Variants in KLF12 observed in about 807,000 individuals in gnomAD.
The protein encoded by KLF12 is KLF transcription factor 12.
In KLF12, 9 loss-of-function variants were observed where a neutral mutation model predicts 37.8. The ratio of observed to expected loss-of-function variants is 0.24; its 90% CI spans 0.14 to 0.42. The LOEUF is 0.42. KLF12 is among the 10% of genes least tolerant of loss of function. The pLI, the probability that KLF12 is intolerant of heterozygous loss-of-function variation, is 1.00. For missense variants in KLF12, 411 were observed against 516.0 expected, an observed-to-expected ratio of 0.80 and a Z score of 1.97; for synonymous variants, 208 against 202.1, an observed-to-expected ratio of 1.03 and a Z score of -0.25.
At chr13:73,979,333 T>A (rs796174887) in intron 2 of KLF12, among the ~76,000 whole-genome samples, 8 of 146,932 alleles carry the variant, frequency 5.4e-5, no homozygotes, top group African/African-American at 2.0e-4. Flanking sequence ...TAACATTTCT[T>A]TTAAAAACAG....
intron 1 of KLF12, among the ~76,000 whole-genome samples, chr13:74,015,002 TAC>T (rs967288864): frequency 4.6e-5 from 7 of 152,190 alleles, no homozygotes; most frequent in South Asian, 2.1e-4. Context: ...TCATAACTAC[TAC>T]AGTTTATTAC....
intron 2 of KLF12, among the ~76,000 whole-genome samples, chr13:73,950,124 T>G (rs1411278457): frequency 6.6e-6 from 1 of 152,238 alleles, no homozygotes; most frequent in East Asian, 1.9e-4. Flanking sequence ...TGATAGCAAT[T>G]ATCAGTCTGT....
the KLF12 span, among the ~76,000 whole-genome samples, chr13:74,140,161 A>C: frequency 6.6e-6 from 1 of 152,330 alleles, no homozygotes; most frequent in East Asian, 1.9e-4. Context: ...TGTGTTACTG[A>C]AACAGAGAAT....
intron 1 of KLF12, among the ~76,000 whole-genome samples, chr13:74,071,504 G>C (rs940456767): frequency 6.4e-5 from 9 of 140,992 alleles, no homozygotes; most frequent in Admixed American, 3.0e-4. Flanking sequence ...GGCTAACACA[G>C]TGAAACCCCG....
chr13:73,775,537 A>G (rs1051026279), intron 5 of KLF12, among the ~76,000 whole-genome samples: 5 of 152,126 alleles, frequency 3.3e-5, no homozygotes, highest in African/African-American at 1.2e-4. Context: ...TTTCCTTTTC[A>G]TGGATATAAA....
At chr13:73,934,775 T>C (rs2139308247) in intron 3 of KLF12, among the ~76,000 whole-genome samples, 1 of 152,034 alleles carries the variant, frequency 6.6e-6, no homozygotes, top group Non-Finnish European at 1.5e-5. Context: ...CTGAAAAATG[T>C]TCAGCTTTTT....
chr13:74,207,537 A>T, the KLF12 span, among the ~76,000 whole-genome samples: 2 of 152,068 alleles, frequency 1.3e-5, no homozygotes. Flanking sequence ...GTAGCTGGGT[A>T]TGATGGCAGA....
intron 1 of KLF12, among the ~76,000 whole-genome samples, chr13:73,998,280 T>C (rs1329045196): frequency 6.6e-6 from 1 of 152,194 alleles, no homozygotes; most frequent in African/African-American, 2.4e-5. Context: ...TCTCAGTCTT[T>C]AAAGGTTAGT....
At chr13:74,201,911 A>G in the KLF12 span, among the ~76,000 whole-genome samples, 1 of 152,136 alleles carries the variant, frequency 6.6e-6, no homozygotes, top group Non-Finnish European at 1.5e-5. Flanking sequence ...GCCAAGTCAT[A>G]TGGTGGCCCT....
At chr13:74,254,323 C>T in the KLF12 span, among the ~76,000 whole-genome samples, 35 of 152,130 alleles carry the variant, frequency 2.3e-4, no homozygotes, top group Non-Finnish European at 4.4e-4. Flanking sequence ...CAAGAGATAA[C>T]TCCATTCACC....
At chr13:73,916,611 C>T (rs1166235872) in intron 3 of KLF12, among the ~76,000 whole-genome samples, 9 of 152,124 alleles carry the variant, frequency 5.9e-5, no homozygotes, top group Admixed American at 5.2e-4. Context: ...TATTCTCTGC[C>T]TGTAAAACAG....
the KLF12 span, among the ~76,000 whole-genome samples, chr13:74,216,801 C>T: frequency 6.6e-6 from 1 of 152,120 alleles, no homozygotes; most frequent in South Asian, 2.1e-4. Flanking sequence ...GAAGTCTTAA[C>T]CTACCTTGAC....
intron 3 of KLF12, among the ~76,000 whole-genome samples, chr13:73,918,246 T>A (rs1013130313): frequency 1.3e-5 from 2 of 152,146 alleles, no homozygotes; most frequent in African/African-American, 2.4e-5. Flanking sequence ...ACTTAAAACA[T>A]ACTTTTTCTT....
At chr13:73,810,563 C>T (rs543161975) in intron 5 of KLF12, among the ~76,000 whole-genome samples, 15 of 151,998 alleles carry the variant, frequency 9.9e-5, no homozygotes, top group South Asian at 4.2e-4. Flanking sequence ...CCACCACGCC[C>T]GGCTGTAAGC....
chr13:73,927,713 G>A (rs931181746), intron 3 of KLF12, among the ~76,000 whole-genome samples: 2 of 151,124 alleles, frequency 1.3e-5, no homozygotes, highest in African/African-American at 4.9e-5. Flanking sequence ...GAGTAGCTGG[G>A]ACTACAGGTG....
the KLF12 span, among the ~76,000 whole-genome samples, chr13:74,298,487 C>T: frequency 1.3e-5 from 2 of 152,284 alleles, no homozygotes; most frequent in Middle Eastern, 3.4e-3. Flanking sequence ...TTGAACAGGG[C>T]AGATACAGAA....
At chr13:74,122,231 A>C (rs1877670896) in intron 1 of KLF12, among the ~76,000 whole-genome samples, 1 of 152,136 alleles carries the variant, frequency 6.6e-6, no homozygotes, top group African/African-American at 2.4e-5. Flanking sequence ...GAATTCCCAC[A>C]AAAGGACAAT....
chr13:74,145,980 A>G, the KLF12 span, among the ~76,000 whole-genome samples: 1 of 152,202 alleles, frequency 6.6e-6, no homozygotes, highest in African/African-American at 2.4e-5. Flanking sequence ...AATCTAAAAG[A>G]AGGTTTTATT....
chr13:73,832,755 T>C (rs1405375770), intron 4 of KLF12, among the ~76,000 whole-genome samples: 1 of 152,222 alleles, frequency 6.6e-6, no homozygotes, highest in Non-Finnish European at 1.5e-5. Flanking sequence ...CAAATAAAAG[T>C]AGCAAAGTAG....
Sources: allele counts gnomAD v4.1 joint callset (sites outside exome capture counted in the v4.1 genomes callset), GRCh38; gene constraint gnomAD v4.1.1; transcripts MANE v1.5; gene names NCBI Gene and HGNC (gene_info 2026-07-23, HGNC 2026-07-21).